Variants in AKR1C8 observed in about 807,000 individuals in gnomAD.
AKR1C8 encodes aldo-keto reductase family 1 member C-like protein 1.
the AKR1C8 span, among the ~76,000 whole-genome samples, chr10:5,140,038 A>G: frequency 6.6e-6 from 1 of 152,236 alleles, no homozygotes; most frequent in African/African-American, 2.4e-5. Flanking sequence ...AAACAGACAC[A>G]TGAAAAAATG....
the AKR1C8 span, among the ~76,000 whole-genome samples, chr10:5,139,710 C>T: frequency 2.6e-5 from 4 of 152,042 alleles, no homozygotes; most frequent in African/African-American, 9.7e-5. Context: ...AGAAGAAAAC[C>T]TAGGCAATAC....
At chr10:5,132,377 C>T in the AKR1C8 span, among the ~76,000 whole-genome samples, 1 of 152,082 alleles carries the variant, frequency 6.6e-6, no homozygotes, top group African/African-American at 2.4e-5. Flanking sequence ...TGAGCTGTGG[C>T]TCAAAAAAGT....
the AKR1C8 span, among the ~76,000 whole-genome samples, chr10:5,170,689 G>C: frequency 6.6e-6 from 1 of 151,992 alleles, no homozygotes; most frequent in African/African-American, 2.4e-5. Context: ...CAAAATATGA[G>C]GTTAGTTTTC....
chr10:5,157,194 A>G, the AKR1C8 span, among the ~76,000 whole-genome samples: 1 of 109,688 alleles, frequency 9.1e-6, no homozygotes, highest in African/African-American at 3.1e-5. Flanking sequence ...AAAACTCACT[A>G]ACAGAGTCAT....
At chr10:5,143,220 G>A in the AKR1C8 span, among the ~76,000 whole-genome samples, 2,039 of 152,200 alleles carry the variant, frequency 0.013, 44 homozygotes, top group African/African-American at 0.046. Context: ...ACAAGCAGAG[G>A]AAAAGTCAGC....
chr10:5,161,035 A>G, the AKR1C8 span: 1 of 390,472 alleles, frequency 2.6e-6, no homozygotes, highest in Non-Finnish European at 5.0e-6. Context: ...CTACATTTGC[A>G]TGCACGTGTG....
chr10:5,161,934 C>G, the AKR1C8 span: 2 of 534,428 alleles, frequency 3.7e-6, no homozygotes, highest in East Asian at 1.1e-4. Flanking sequence ...TTTCTAGGGC[C>G]GGGTGAACCA....
chr10:5,175,472 G>C, the AKR1C8 span, among the ~76,000 whole-genome samples: 5 of 152,004 alleles, frequency 3.3e-5, no homozygotes, highest in Non-Finnish European at 5.9e-5. Context: ...ATGATTTATA[G>C]TCCTTTGGGT....
At chr10:5,132,275 A>G in the AKR1C8 span, among the ~76,000 whole-genome samples, 1 of 152,172 alleles carries the variant, frequency 6.6e-6, no homozygotes, top group South Asian at 2.1e-4. Flanking sequence ...CAGAATCATC[A>G]CTATAGAATT....
the AKR1C8 span, among the ~76,000 whole-genome samples, chr10:5,182,841 C>T: frequency 2.0e-5 from 3 of 151,198 alleles, no homozygotes; most frequent in Non-Finnish European, 2.9e-5. Context: ...ACCCAGGAGG[C>T]GGAGGTTGTA....
At chr10:5,129,512 G>C in the AKR1C8 span, among the ~76,000 whole-genome samples, 4 of 152,030 alleles carry the variant, frequency 2.6e-5, no homozygotes, top group Non-Finnish European at 5.9e-5. Flanking sequence ...GAAGAAACTT[G>C]ATAGACCATT....
chr10:5,150,274 A>G, the AKR1C8 span, among the ~76,000 whole-genome samples: 2 of 152,162 alleles, frequency 1.3e-5, no homozygotes, highest in African/African-American at 4.8e-5. Context: ...CTTTTTGAGA[A>G]GGATCAAATT....
chr10:5,164,146 A>C, the AKR1C8 span, among the ~76,000 whole-genome samples: 2 of 152,052 alleles, frequency 1.3e-5, no homozygotes, highest in Non-Finnish European at 2.9e-5. Context: ...ACTCTCTATT[A>C]GTCTCGGACC....
the AKR1C8 span, among the ~76,000 whole-genome samples, chr10:5,131,072 A>G: frequency 1.1e-4 from 17 of 152,048 alleles, no homozygotes; most frequent in Non-Finnish European, 2.4e-4. Context: ...AAACAAAAAC[A>G]TAAATTGGGG....
chr10:5,126,820 T>C, the AKR1C8 span, among the ~76,000 whole-genome samples: 1 of 151,862 alleles, frequency 6.6e-6, no homozygotes, highest in Non-Finnish European at 1.5e-5. Flanking sequence ...AGACTCTCTA[T>C]AACCAAGGAA....
the AKR1C8 span, among the ~76,000 whole-genome samples, chr10:5,178,529 T>C: frequency 2.0e-5 from 3 of 152,164 alleles, no homozygotes; most frequent in Non-Finnish European, 4.4e-5. Context: ...AATTCCTGGG[T>C]ATCCTTTTTA....
chr10:5,172,453 G>A, the AKR1C8 span, among the ~76,000 whole-genome samples: 1 of 151,920 alleles, frequency 6.6e-6, no homozygotes, highest in East Asian at 1.9e-4. Flanking sequence ...ACTGCCTAAG[G>A]CCACAAGATT....
At chr10:5,176,436 G>A in the AKR1C8 span, among the ~76,000 whole-genome samples, 1 of 148,400 alleles carries the variant, frequency 6.7e-6, no homozygotes, top group Non-Finnish European at 1.5e-5. Context: ...TCTTCTTTTG[G>A]CTTAGGATTG....
chr10:5,138,471 T>C, the AKR1C8 span, among the ~76,000 whole-genome samples: 1 of 152,136 alleles, frequency 6.6e-6, no homozygotes, highest in Non-Finnish European at 1.5e-5. Flanking sequence ...TAAAAATCAC[T>C]GTTATTCTGT....
Sources: gnomAD v4.1 joint callset for allele counts (sites outside exome capture counted in the v4.1 genomes callset) on GRCh38, gnomAD v4.1.1 for gene constraint, MANE v1.5 for transcripts, NCBI Gene and HGNC (gene_info 2026-07-23, HGNC 2026-07-21) for gene names.